Variants in KDM4C observed in about 807,000 individuals in gnomAD.
KDM4C encodes lysine demethylase 4C.
A neutral mutation model predicts 129.3 loss-of-function variants in KDM4C; 81 were observed. The ratio of observed to expected loss-of-function variants is 0.63; its 90% CI spans 0.52 to 0.75. The LOEUF (loss-of-function observed/expected upper bound fraction) is 0.75. Ranked by LOEUF, KDM4C falls within the 30% of genes least tolerant of loss-of-function variation. The pLI is 0.00. For missense variants in KDM4C, 1,457 were observed against 1,304.0 expected, an observed-to-expected ratio of 1.12 and a Z score of -1.81; for synonymous variants, 573 against 456.1, an observed-to-expected ratio of 1.26 and a Z score of -3.26.
chr9:7,050,315 G>T lies in KDM4C; in HGVS notation c.2424+1115G>T, dbSNP rs369735379. Among the ~76,000 whole-genome samples the T allele has an allele frequency of 3.8e-4, 58 of 151,898 alleles. 4 individuals carry two copies. Among genetic ancestry groups the T allele is most frequent in the East Asian group, 2.7e-3 (14 of 5,160 alleles). ...GTTGGAAGTTTTGTAATCTAAGATG[G>T]AAATGAGTGGGCCATTTAAATGGCC... On this transcript the variant is annotated intron_variant, in intron 17 of 21. Coordinates refer to ENST00000381309, the MANE Select transcript of KDM4C (RefSeq NM_015061.6).
At chr9:6,835,186 C>T (rs1163716037) in intron 4 of KDM4C, 1 of 933,692 alleles carries the variant, frequency 1.1e-6, no homozygotes, top group Non-Finnish European at 1.8e-6. Context: ...GACTGACGGC[C>T]AGGTCATCAC....
At chr9:6,831,926 A>T (rs1186884388) in intron 4 of KDM4C, among the ~76,000 whole-genome samples, 2 of 152,238 alleles carry the variant, frequency 1.3e-5, no homozygotes, top group Admixed American at 1.3e-4. Context: ...AATGAGGTCC[A>T]TTAGTAAGGA....
At chr9:7,146,831 A>G (rs1040347450) in intron 19 of KDM4C, among the ~76,000 whole-genome samples, 41 of 152,286 alleles carry the variant, frequency 2.7e-4, no homozygotes, top group African/African-American at 9.6e-4. Flanking sequence ...TCCAATGAGG[A>G]TAACAAACAC....
intron 12 of KDM4C, among the ~76,000 whole-genome samples, chr9:6,996,978 C>T (rs1819869896): frequency 6.6e-6 from 1 of 152,076 alleles, no homozygotes; most frequent in East Asian, 1.9e-4. Context: ...AACTTTTATA[C>T]TTGCATAGAG....
At chr9:6,837,698 T>C (rs915970937) in intron 4 of KDM4C, among the ~76,000 whole-genome samples, 1 of 152,208 alleles carries the variant, frequency 6.6e-6, no homozygotes, top group African/African-American at 2.4e-5. Context: ...TTTTCTTTAT[T>C]TGGAATTCTT....
At chr9:6,830,214 T>A (rs1564110191) in intron 4 of KDM4C, among the ~76,000 whole-genome samples, 2 of 152,242 alleles carry the variant, frequency 1.3e-5, no homozygotes, top group South Asian at 4.1e-4. Flanking sequence ...CACAGTGGTA[T>A]GTGAGGAAAC....
Position 7,103,875 on chromosome 9 carries a change from G to A in KDM4C, c.2610+5G>A. The stretch of plus-strand genomic sequence containing the variant: ...CATAAGGTCAACCCCAACGTGGTAA[G>A]ATGTGCCCTCCCTTCCTCAGTGCTA... On this transcript the variant is annotated splice_donor_5th_base_variant and intron_variant, in intron 18 of 21. Coordinates refer to ENST00000381309, the MANE Select transcript of KDM4C (RefSeq NM_015061.6). 6.2e-7 allele frequency: 1 copy of A among 1,613,264 alleles called. No homozygotes were observed. The highest frequency in any genetic ancestry group is 8.5e-7 in the Non-Finnish European group (1 of 1,179,364).
At chr9:7,166,307 G>C (rs928406134) in intron 20 of KDM4C, among the ~76,000 whole-genome samples, 1 of 152,196 alleles carries the variant, frequency 6.6e-6, no homozygotes, top group Non-Finnish European at 1.5e-5. Context: ...TGCATTGTAA[G>C]ATACTGCGTC....
At chr9:7,162,403 C>T (rs772447050) in intron 19 of KDM4C, among the ~76,000 whole-genome samples, 2 of 152,106 alleles carry the variant, frequency 1.3e-5, no homozygotes, top group Non-Finnish European at 2.9e-5. Context: ...TCAGGCACTG[C>T]CAATGCTGGA....
At chr9:6,735,190 T>C (rs1817489458) in intron 1 of KDM4C, 2 of 202,172 alleles carry the variant, frequency 9.9e-6, no homozygotes, top group South Asian at 1.6e-4. Flanking sequence ...TAGTGTGAAA[T>C]TGGCTCTGCA....
At chr9:7,028,434 C>A (rs541810276) in intron 15 of KDM4C, among the ~76,000 whole-genome samples, 62 of 151,866 alleles carry the variant, frequency 4.1e-4, no homozygotes, top group African/African-American at 1.4e-3. Context: ...GTGCCATGTC[C>A]TACAGTGGGT....
chr9:6,777,103 C>G (rs1823242373), intron 1 of KDM4C, among the ~76,000 whole-genome samples: 1 of 152,230 alleles, frequency 6.6e-6, no homozygotes, highest in Non-Finnish European at 1.5e-5. Context: ...CAGATTTTCA[C>G]TTACTCTGTA....
chr9:6,860,666 G>A (rs938970491), intron 5 of KDM4C, among the ~76,000 whole-genome samples: 1 of 152,164 alleles, frequency 6.6e-6, no homozygotes, highest in Non-Finnish European at 1.5e-5. Context: ...GAGACATAGA[G>A]TCTGAGCCCA....
At chr9:6,851,066 TTTAATA>T (rs1838759594) in intron 5 of KDM4C, among the ~76,000 whole-genome samples, 1 of 152,192 alleles carries the variant, frequency 6.6e-6, no homozygotes, top group Non-Finnish European at 1.5e-5. Context: ...AATGAAACTT[TTTAATA>T]GGTGGTCTAG....
intron 15 of KDM4C, among the ~76,000 whole-genome samples, chr9:7,018,129 A>G (rs541753588): frequency 2.0e-5 from 3 of 152,346 alleles, no homozygotes; most frequent in East Asian, 1.9e-4. Context: ...TGAACATAAT[A>G]CAGTGTACTG....
chr9:6,761,208 C>T (rs533758979), intron 1 of KDM4C, among the ~76,000 whole-genome samples: 1 of 151,904 alleles, frequency 6.6e-6, no homozygotes, highest in East Asian at 2.0e-4. Context: ...AGGGTTTCAC[C>T]ATGTTGTTCA....
In KDM4C at chr9:6,845,628, G is replaced by T. The variant is rs567190632; in HGVS notation, c.436-3879G>T. On this transcript the variant is annotated intron_variant, in intron 4 of 21. Coordinates refer to ENST00000381309, the MANE Select transcript of KDM4C (RefSeq NM_015061.6). ...GTTACACCTGTGTGCAAAAATCGTGGTCCAATTGTGAGTTGTTTCAGAAAA... is the reference window on the plus strand; with the variant it reads ...GTTACACCTGTGTGCAAAAATCGTGTTCCAATTGTGAGTTGTTTCAGAAAA... Among the ~76,000 whole-genome samples, 67 of 152,266 alleles carry T rather than the reference G, an allele frequency of 4.4e-4. No individual in the cohort carries two copies. In the South Asian group the frequency reaches 6.8e-3, roughly 16 times the overall value.
At chr9:6,956,215 CTTAA>C (rs908048948) in intron 8 of KDM4C, among the ~76,000 whole-genome samples, 2 of 152,070 alleles carry the variant, frequency 1.3e-5, no homozygotes, top group African/African-American at 4.8e-5. Context: ...TCGATAATAA[CTTAA>C]TTGTACATTT....
At chr9:6,914,162 C>G (rs772392563) in intron 8 of KDM4C, among the ~76,000 whole-genome samples, 5 of 152,174 alleles carry the variant, frequency 3.3e-5, no homozygotes, top group African/African-American at 1.2e-4. Flanking sequence ...CAGGTTCAAG[C>G]GATTCTCCTG....
Sources: gnomAD v4.1 joint callset for allele counts (sites outside exome capture counted in the v4.1 genomes callset) on GRCh38, gnomAD v4.1.1 for gene constraint, MANE v1.5 for transcripts, NCBI Gene and HGNC (gene_info 2026-07-23, HGNC 2026-07-21) for gene names.